The following ERAP1 variants were observed in gnomAD, a reference collection of about 807,000 sequenced individuals.
ERAP1 encodes adipocyte-derived leucine aminopeptidase.
Under a neutral mutation model 103.7 loss-of-function variants are expected in ERAP1, and 86 were observed. The observed-to-expected ratio is 0.83, with a 90% confidence interval of 0.70 to 0.99. The LOEUF (loss-of-function observed/expected upper bound fraction) is 0.99, where lower values mean the gene tolerates loss of function less well. ERAP1 is among the 50% of genes least tolerant of loss of function. The pLI is 0.00. For missense variants in ERAP1, 1,009 were observed against 1,128.4 expected, an observed-to-expected ratio of 0.89 and a Z score of 1.52; for synonymous variants, 398 against 402.4, an observed-to-expected ratio of 0.99 and a Z score of 0.13.
the ERAP1 span, among the ~76,000 whole-genome samples, chr5:96,847,433 A>G: frequency 1.3e-5 from 2 of 152,174 alleles, no homozygotes; most frequent in African/African-American, 4.8e-5. Flanking sequence ...CAGAAAATCA[A>G]TTAGGAAACA....
chr5:96,846,099 C>T, the ERAP1 span, among the ~76,000 whole-genome samples: 1 of 152,176 alleles, frequency 6.6e-6, no homozygotes. Context: ...CAAAGGAGAT[C>T]TCCAGGAACC....
At chr5:96,765,423 T>G in intron 19 of ERAP1, 1 of 634,240 alleles carries the variant, frequency 1.6e-6, no homozygotes, top group South Asian at 2.0e-5. Flanking sequence ...TGATGTGAAC[T>G]TAACCTATAT....
Position 96,781,161 on chromosome 5 carries a change from TTTTTA to T in ERAP1, c.2480_2484del (p.Ile827AsnfsTer37). ...GTAAGAATTTGTGGAAACTCCTGAG[TTTTTA>T]TTTTATCTCCCTTAAAGCTTTCATC... On this transcript the variant is annotated frameshift_variant, in exon 17 of 19. Coordinates refer to ENST00000443439, the MANE Select transcript of ERAP1 (RefSeq NM_001040458.3). LOFTEE classifies it high-confidence loss of function. 2.5e-6 allele frequency: 4 copies of T among 1,613,238 alleles called. No individual in the cohort carries two copies. Among genetic ancestry groups the T allele is most frequent in the Admixed American group, 1.7e-5 (1 of 59,868 alleles).
At chr5:96,806,623 C>CTTTTT (rs75649816) in intron 1 of ERAP1, among the ~76,000 whole-genome samples, 21 of 128,012 alleles carry the variant, frequency 1.6e-4, no homozygotes, top group East Asian at 2.3e-4. Context: ...CAAGATCCCT[C>CTTTTT]TTTTTTTTTT....
the ERAP1 span, chr5:96,900,087 T>G: frequency 6.2e-7 from 1 of 1,613,144 alleles, no homozygotes; most frequent in Non-Finnish European, 8.5e-7. Context: ...TAATGATGCC[T>G]ACATTGCAGT....
At chr5:96,796,507 C>T (rs1352507160) in intron 4 of ERAP1, among the ~76,000 whole-genome samples, 1 of 152,212 alleles carries the variant, frequency 6.6e-6, no homozygotes, top group Non-Finnish European at 1.5e-5. Flanking sequence ...AAAGCCATAA[C>T]CAGAAGCAAC....
At chr5:96,920,028 C>T in the ERAP1 span, among the ~76,000 whole-genome samples, 1 of 152,190 alleles carries the variant, frequency 6.6e-6, no homozygotes, top group Non-Finnish European at 1.5e-5. Context: ...AAGAGTCTAA[C>T]TAGCCAAGTG....
the ERAP1 span, chr5:96,900,201 G>A: frequency 1.2e-6 from 2 of 1,613,348 alleles, no homozygotes; most frequent in South Asian, 1.1e-5. Context: ...TAAGGATAAA[G>A]AGAGTCACAG....
At chr5:96,917,387 C>G in the ERAP1 span, 25 of 1,321,786 alleles carry the variant, frequency 1.9e-5, no homozygotes, top group East Asian at 5.7e-5. Flanking sequence ...TCCCGAAGTG[C>G]TGGGATTACA....
chr5:96,863,067 C>G, the ERAP1 span, among the ~76,000 whole-genome samples: 1 of 152,022 alleles, frequency 6.6e-6, no homozygotes, highest in Non-Finnish European at 1.5e-5. Context: ...ATAAGTATTT[C>G]TTCTTTTGTT....
At position 96,807,871 on chromosome 5, in the gene ERAP1, G is replaced by C; in HGVS notation, c.-29C>G. The C allele has an allele frequency of 1.0e-6, 1 of 986,084 alleles. No individual in the cohort carries two copies. The highest frequency in any genetic ancestry group is 1.2e-6 in the Non-Finnish European group (1 of 830,404). The allele number at this position is 986,084 out of a possible 1,614,324, so 61.1% of individuals were successfully genotyped here. On this transcript the variant is annotated 5_prime_UTR_variant, in exon 1 of 19. Transcript: ENST00000443439. ...CGAGCGCGCTGTACCTGGGGTTCTGGGGCCGCCCTCACCCTTGCGCCGCCG... is the reference window on the plus strand; with the variant it reads ...CGAGCGCGCTGTACCTGGGGTTCTGCGGCCGCCCTCACCCTTGCGCCGCCG...
chr5:96,909,160 G>T, the ERAP1 span: 3 of 1,580,274 alleles, frequency 1.9e-6, no homozygotes, highest in East Asian at 2.2e-5. Context: ...AATACACAGT[G>T]TCTGGAGTAT....
At chr5:96,808,185 TCC>T (rs142026111), upstream of ERAP1, 746 of 936,302 alleles carry the variant, frequency 8.0e-4, 13 homozygotes, top group Admixed American at 3.8e-3. Context: ...TGAACGCGGA[TCC>T]GTGTGTGTGT....
rs1055527281 is a variant in ERAP1 at position 96,790,217 on chromosome 5, T to G, written c.1524+79A>C. On this transcript the variant is annotated intron_variant, in intron 10 of 18. Transcript: ENST00000443439. ...TGATATAATCAAGGACCTCAGAAAG[T>G]TTGGCACAGAGCTGCCTTTCAAAGA... 4 of 1,278,622 alleles carry G rather than the reference T, an allele frequency of 3.1e-6. No homozygotes were observed. The African/African-American group carries it at 4.4e-5, about 14-fold the overall frequency. 79.2% of individuals were successfully genotyped at this position (1,278,622 alleles called of 1,614,324 possible). A position where few individuals can be genotyped will look rare whatever the true frequency, so the allele number is the denominator to read the frequency against.
the ERAP1 span, among the ~76,000 whole-genome samples, chr5:96,923,131 G>C: frequency 5.3e-5 from 8 of 152,102 alleles, no homozygotes; most frequent in African/African-American, 1.9e-4. Flanking sequence ...GCACCACAAT[G>C]GCTGTCTAAT....
downstream of ERAP1, chr5:96,770,661 A>C: frequency 8.8e-7 from 1 of 1,136,490 alleles, no homozygotes; most frequent in Non-Finnish European, 1.3e-6. Flanking sequence ...AGTAGGGTTT[A>C]TCATTTCAGT....
chr5:96,767,874 C>T, intron 19 of ERAP1: 1 of 1,441,780 alleles, frequency 6.9e-7, no homozygotes, highest in Non-Finnish European at 9.8e-7. Context: ...CCTTCTGCTT[C>T]TTCACTGATG....
At chr5:96,777,934 G>A (rs558077670) in intron 18 of ERAP1, among the ~76,000 whole-genome samples, 67 of 152,286 alleles carry the variant, frequency 4.4e-4, no homozygotes, top group Admixed American at 9.8e-4. Flanking sequence ...TGTGCAATAA[G>A]TAGCACAATA....
At chr5:96,880,866 G>A in the ERAP1 span, 5 of 159,856 alleles carry the variant, frequency 3.1e-5, no homozygotes, top group Admixed American at 2.9e-4. Flanking sequence ...CAAGGTAATT[G>A]GCCAGTGTTA....
Sources: gnomAD v4.1 joint callset for allele counts (sites outside exome capture counted in the v4.1 genomes callset) on GRCh38, gnomAD v4.1.1 for gene constraint, MANE v1.5 for transcripts, NCBI Gene and HGNC (gene_info 2026-07-23, HGNC 2026-07-21) for gene names.